The following TMEM266 variants were observed in gnomAD, a reference collection of about 807,000 sequenced individuals.
TMEM266 encodes transmembrane protein 266, also known as Hv1 related protein 1.
In TMEM266, 33 loss-of-function variants were observed where a neutral mutation model predicts 50.5. The observed-to-expected ratio is 0.65, with a 90% CI of 0.50 to 0.87. TMEM266 has a LOEUF of 0.87. Ranked by LOEUF, TMEM266 falls within the 40% of genes least tolerant of loss-of-function variation. The pLI is 0.00. For synonymous variants in TMEM266, 310 were observed against 292.3 expected, an observed-to-expected ratio of 1.06 and a Z score of -0.62; for missense variants, 655 against 695.1, an observed-to-expected ratio of 0.94 and a Z score of 0.65.
rs1386270411 is a variant in TMEM266 at position 76,204,177 on chromosome 15, C to T, written c.1458C>T (p.Asn486=). The T allele has an allele frequency of 6.2e-7, 1 of 1,613,782 alleles. No homozygotes were observed. ...TGGAACACAGGGTAAGTCTGTTCAA[C>T]CAGAAGAACCAGGAGGGCTTCACTG... is the stretch of plus-strand genomic sequence containing the variant. The change falls in exon 11 of 11, where the codon AAC becomes AAT. Residue 486 remains asparagine, a synonymous_variant. Coordinates refer to ENST00000388942, the MANE Select transcript of TMEM266 (RefSeq NM_152335.3).
At chr15:76,148,364 G>T (rs2037787963) in intron 3 of TMEM266, among the ~76,000 whole-genome samples, 1 of 152,160 alleles carries the variant, frequency 6.6e-6, no homozygotes, top group Non-Finnish European at 1.5e-5. Context: ...GTGCCGATTT[G>T]TTCCCTCGTT....
intron 1 of TMEM266, among the ~76,000 whole-genome samples, chr15:76,102,017 C>T (rs1408380959): frequency 6.6e-6 from 1 of 152,200 alleles, no homozygotes; most frequent in South Asian, 2.1e-4. Flanking sequence ...GCCGACAGTA[C>T]TGGAAGAAGC....
At chr15:76,122,133 G>A (rs975325412) in intron 1 of TMEM266, among the ~76,000 whole-genome samples, 2 of 152,258 alleles carry the variant, frequency 1.3e-5, no homozygotes, top group East Asian at 3.9e-4. Flanking sequence ...GAGGGCAGCT[G>A]TTGGCTGGCC....
intron 8 of TMEM266, 39 bp downstream of exon 8, chr15:76,175,713 C>A: frequency 6.6e-7 from 1 of 1,524,972 alleles, no homozygotes; most frequent in Non-Finnish European, 9.1e-7. Flanking sequence ...CGTGGTCTTG[C>A]TGGGGACACT....
intron 1 of TMEM266, among the ~76,000 whole-genome samples, chr15:76,086,928 C>G (rs572471337): frequency 3.5e-4 from 30 of 84,624 alleles, no homozygotes; most frequent in South Asian, 9.9e-4. Flanking sequence ...GGGAGCAGGT[C>G]GGGGGGGGGG....
Position 76,203,702 on chromosome 15 carries a change from G to A in TMEM266, c.1022-39G>A, listed in dbSNP as rs115847673. On this transcript the variant is annotated intron_variant, in intron 10 of 10. Coordinates refer to ENST00000388942, the MANE Select transcript of TMEM266 (RefSeq NM_152335.3). The stretch of plus-strand genomic sequence containing the variant: ...CTCTTCAGGGCCCCCAGGTGTGGCA[G>A]AGGTTGAAGTGTGACCAAGATCCCC... 1,703 of 1,573,812 alleles carry A rather than the reference G, an allele frequency of 1.1e-3. 12 individuals carry two copies. In the African/African-American group the frequency reaches 0.017, roughly 15 times the overall value.
intron 1 of TMEM266, among the ~76,000 whole-genome samples, chr15:76,109,785 C>T (rs1387052225): frequency 1.3e-5 from 2 of 150,256 alleles, no homozygotes; most frequent in Non-Finnish European, 2.9e-5. Flanking sequence ...TCATGACTCA[C>T]TGCAGCCTCA....
intron 8 of TMEM266, 27 bp from the exon 9 acceptor site, chr15:76,191,941 T>G (rs757185866): frequency 3.2e-6 from 5 of 1,555,802 alleles, no homozygotes; most frequent in Admixed American, 1.9e-5. Flanking sequence ...TCGCCGCTGA[T>G]TCAGCCTTGC....
At chr15:76,123,699 C>T (rs551276970) in intron 1 of TMEM266, among the ~76,000 whole-genome samples, 10 of 151,530 alleles carry the variant, frequency 6.6e-5, no homozygotes, top group African/African-American at 2.4e-4. Context: ...TATGCCTATC[C>T]CCAAGGGATG....
At chr15:76,106,122 A>G (rs2142007342) in intron 1 of TMEM266, among the ~76,000 whole-genome samples, 1 of 152,172 alleles carries the variant, frequency 6.6e-6, no homozygotes, top group African/African-American at 2.4e-5. Flanking sequence ...CTCCCTCTGC[A>G]CTGTTTCTGT....
chr15:76,066,857 T>A (rs1027625729), intron 1 of TMEM266, among the ~76,000 whole-genome samples: 2 of 152,060 alleles, frequency 1.3e-5, no homozygotes, highest in African/African-American at 2.4e-5. Flanking sequence ...GTTTCTCAAC[T>A]TCAACACTGT....
At chr15:76,097,936 A>G (rs900969250) in intron 1 of TMEM266, among the ~76,000 whole-genome samples, 1 of 151,914 alleles carries the variant, frequency 6.6e-6, no homozygotes, top group African/African-American at 2.4e-5. Flanking sequence ...TTCTCGTGGT[A>G]TATTTTTCAG....
chr15:76,121,305 G>A (rs1228957508), intron 1 of TMEM266, among the ~76,000 whole-genome samples: 1 of 152,092 alleles, frequency 6.6e-6, no homozygotes, highest in Non-Finnish European at 1.5e-5. Context: ...TTTATGTGTT[G>A]CAGTGGACAA....
intron 1 of TMEM266, among the ~76,000 whole-genome samples, chr15:76,074,849 T>G (rs1805582173): frequency 6.6e-6 from 1 of 151,968 alleles, no homozygotes; most frequent in Non-Finnish European, 1.5e-5. Flanking sequence ...GCTGTCAGTG[T>G]GGGACATGGG....
At chr15:76,092,126 TTCTC>T (rs1431077763) in intron 1 of TMEM266, among the ~76,000 whole-genome samples, 1 of 152,098 alleles carries the variant, frequency 6.6e-6, no homozygotes, top group Non-Finnish European at 1.5e-5. Context: ...TACTTGAACT[TTCTC>T]TATCCAGCAA....
intron 3 of TMEM266, 100 bp from the exon 4 acceptor site, chr15:76,156,504 G>A (rs1183776267): frequency 1.4e-5 from 17 of 1,258,858 alleles, no homozygotes; most frequent in Non-Finnish European, 1.7e-5. Context: ...AGCCCGGGAG[G>A]AGTGACGCTG....
rs543853072 is a variant in TMEM266, at chr15:76,204,101, C to T, written c.1382C>T (p.Ala461Val). 8.1e-6 allele frequency: 13 copies of T among 1,612,660 alleles called. No individual in the cohort carries two copies. The Admixed American group carries it at 2.0e-4, about 25-fold the overall frequency. ...CCTTCCCAGAAGGCCTTGGACCCAG[C>T]CCCCCTCGCCCGGCCCAGCCCAGCG... ...DPAPLARPSP[A>V]GSAQTSPELE... The change falls in exon 11 of 11, where the codon GCC becomes GTC. Residue 461 changes from alanine to valine, a missense_variant. This residue lies in a region of TMEM266 where 455 missense variants were observed against 401.8 expected (regional missense o/e 1.13). Transcript: ENST00000388942.
Position 76,073,421 on chromosome 15 carries a change from C to T in TMEM266, c.-97+13405C>T, listed in dbSNP as rs534052526. Among the ~76,000 whole-genome samples, 609 of 149,084 alleles carry T rather than the reference C, an allele frequency of 4.1e-3. 4 individuals are homozygous for T. The highest frequency in any genetic ancestry group is 0.013 in the African/African-American group (544 of 40,444). ...CTAATTTTTGTATTTTTAGTAGAGA[C>T]GGGGTTTCACCATGTTGGCCAGGCT... On this transcript the variant is annotated intron_variant, in intron 1 of 10. Coordinates refer to ENST00000388942, the MANE Select transcript of TMEM266 (RefSeq NM_152335.3).
rs140539802 is a variant in TMEM266 at position 76,202,569 on chromosome 15, A to C, written c.1021+305A>C. Among the ~76,000 whole-genome samples the C allele has an allele frequency of 8.1e-3, 1,235 of 152,228 alleles. 13 individuals carry two copies. Among genetic ancestry groups the C allele is most frequent in the Non-Finnish European group, 0.013 (868 of 68,006 alleles). On this transcript the variant is annotated intron_variant, in intron 10 of 10. Transcript: ENST00000388942. ...GGAATCCAGAACTCCAAGTGACCTC[A>C]GTGCCCACCTGCACACATGTCAAGG... is the stretch of plus-strand genomic sequence containing the variant.
Sources: gnomAD v4.1 joint callset for allele counts (sites outside exome capture counted in the v4.1 genomes callset) on GRCh38, gnomAD v4.1.1 for gene constraint, gnomAD v4.1.1 regional missense constraint, MANE v1.5 for transcripts, NCBI Gene and HGNC (gene_info 2026-07-23, HGNC 2026-07-21) for gene names.